The following EEFSEC variants were observed in gnomAD, a reference collection of about 807,000 sequenced individuals.
EEFSEC encodes selenocysteine-specific elongation factor.
A neutral mutation model predicts 42.1 loss-of-function variants in EEFSEC; 43 were observed. The observed-to-expected ratio is 1.02, with a 90% confidence interval of 0.80 to 1.32. EEFSEC has a LOEUF of 1.32. Ranked by LOEUF, EEFSEC falls within the 40% of genes most tolerant of loss-of-function variation. EEFSEC has a pLI of 0.00. For missense variants in EEFSEC, 745 were observed against 803.6 expected (o/e 0.93, Z 0.88); for synonymous variants, 354 against 339.1 (o/e 1.04, Z -0.48).
chr3:128,191,635 C>T (rs1487872080), intron 1 of EEFSEC, among the ~76,000 whole-genome samples: 4 of 152,182 alleles, frequency 2.6e-5, no homozygotes, highest in Admixed American at 6.5e-5. Flanking sequence ...TCCCTACTCC[C>T]AGCCCCTGGC....
At chr3:128,221,406 A>G (rs1178672387) in intron 1 of EEFSEC, among the ~76,000 whole-genome samples, 2 of 152,244 alleles carry the variant, frequency 1.3e-5, no homozygotes, top group Non-Finnish European at 2.9e-5. Flanking sequence ...TAACTGGTGG[A>G]GATTAAATTG....
intron 1 of EEFSEC, among the ~76,000 whole-genome samples, chr3:128,203,276 GCT>G (rs2065660864): frequency 6.6e-6 from 1 of 152,188 alleles, no homozygotes; most frequent in South Asian, 2.1e-4. Context: ...ATTTAGTGAT[GCT>G]TATATCATGG....
At chr3:128,251,924 C>A (rs2066191079) in intron 2 of EEFSEC, among the ~76,000 whole-genome samples, 1 of 152,234 alleles carries the variant, frequency 6.6e-6, no homozygotes, top group Admixed American at 6.5e-5. Flanking sequence ...CCACAATCTT[C>A]TCAATGCATC....
At chr3:128,275,701 A>G (rs1384758082) in intron 4 of EEFSEC, among the ~76,000 whole-genome samples, 1 of 152,264 alleles carries the variant, frequency 6.6e-6, no homozygotes, top group Non-Finnish European at 1.5e-5. Flanking sequence ...GGCTTTGCCC[A>G]GGCATTCTGA....
chr3:128,200,152 A>C (rs893924831), intron 1 of EEFSEC, among the ~76,000 whole-genome samples: 4 of 152,236 alleles, frequency 2.6e-5, no homozygotes, highest in Non-Finnish European at 5.9e-5. Context: ...ACCTGGGCTT[A>C]TAAACTTGAA....
intron 3 of EEFSEC, among the ~76,000 whole-genome samples, chr3:128,262,632 G>A (rs924805690): frequency 2.6e-5 from 4 of 152,214 alleles, no homozygotes; most frequent in African/African-American, 2.4e-5. Context: ...CTGGGGGCCA[G>A]TGAGGCAGGG....
At chr3:128,371,684 G>T (rs1342205474) in intron 6 of EEFSEC, among the ~76,000 whole-genome samples, 1 of 152,192 alleles carries the variant, frequency 6.6e-6, no homozygotes, top group Admixed American at 6.5e-5. Flanking sequence ...ACCTGTTGGG[G>T]TGCAGAATGA....
intron 6 of EEFSEC, among the ~76,000 whole-genome samples, chr3:128,403,171 G>C (rs1486393779): frequency 6.6e-6 from 1 of 152,202 alleles, no homozygotes; most frequent in East Asian, 1.9e-4. Flanking sequence ...GTCCACAGGC[G>C]GAGGGATTGG....
chr3:128,271,785 C>T (rs1481442396), intron 4 of EEFSEC, among the ~76,000 whole-genome samples: 1 of 152,166 alleles, frequency 6.6e-6, no homozygotes, highest in Non-Finnish European at 1.5e-5. Flanking sequence ...CCCAGGTCTT[C>T]TTCTTGAGTC....
chr3:128,320,949 G>A (rs2067001491), intron 4 of EEFSEC, among the ~76,000 whole-genome samples: 1 of 152,206 alleles, frequency 6.6e-6, no homozygotes, highest in Non-Finnish European at 1.5e-5. Context: ...GGACATAACG[G>A]GACCTACCTC....
intron 1 of EEFSEC, among the ~76,000 whole-genome samples, chr3:128,166,257 C>T (rs1307109127): frequency 6.6e-6 from 1 of 152,066 alleles, no homozygotes; most frequent in Non-Finnish European, 1.5e-5. Flanking sequence ...CTGACAGACA[C>T]TTTGGCTGGA....
intron 5 of EEFSEC, among the ~76,000 whole-genome samples, chr3:128,344,427 A>G (rs888712415): frequency 8.5e-5 from 13 of 152,242 alleles, no homozygotes; most frequent in African/African-American, 3.1e-4. Context: ...AATTTCAAAC[A>G]AGACAATAAT....
intron 1 of EEFSEC, among the ~76,000 whole-genome samples, chr3:128,176,777 G>T (rs1002067803): frequency 1.1e-4 from 17 of 152,006 alleles, no homozygotes; most frequent in African/African-American, 4.1e-4. Flanking sequence ...TTCCTTGTTT[G>T]CAAGATCAGA....
intron 6 of EEFSEC, among the ~76,000 whole-genome samples, chr3:128,371,240 A>T (rs114976005): frequency 0.018 from 2,796 of 152,016 alleles, 91 homozygotes; most frequent in African/African-American, 0.062. Context: ...CCTTGGATGG[A>T]TGGGGAGGAG....
rs113866888 is a variant in EEFSEC, at chr3:128,317,852, C to T, written c.787-23381C>T. ...ACAGGCCTGGCACAGATGTCCCCTC[C>T]TCTCTGAGGTTTCCTCCCAGTTCCC... On this transcript the variant is annotated intron_variant, in intron 4 of 6. Transcript: ENST00000254730. The surrounding 1 kb of genome is among the most constrained non-coding windows in gnomAD (Gnocchi z 4.1). Among the ~76,000 whole-genome samples the T allele has an allele frequency of 2.0e-4, 31 of 152,382 alleles. No individual in the cohort carries two copies. The highest frequency in any genetic ancestry group is 6.5e-4 in the African/African-American group (27 of 41,594).
chr3:128,271,160 C>A (rs1385640245), intron 4 of EEFSEC, among the ~76,000 whole-genome samples: 2 of 152,168 alleles, frequency 1.3e-5, no homozygotes, highest in Non-Finnish European at 2.9e-5. Context: ...TGGGCAGCCC[C>A]CCACTTCCTG....
chr3:128,264,933 C>CGGGGCCAGGCAG, intron 4 of EEFSEC, 152 bp downstream of exon 4: 1 of 866,440 alleles, frequency 1.2e-6, no homozygotes, highest in Non-Finnish European at 1.7e-6. Flanking sequence ...GGCTGCCTGG[C>CGGGGCCAGGCAG]CCCGCCCGGC....
intron 4 of EEFSEC, among the ~76,000 whole-genome samples, chr3:128,335,134 C>A (rs1231319608): frequency 6.6e-6 from 1 of 152,260 alleles, no homozygotes; most frequent in Non-Finnish European, 1.5e-5. Context: ...CTTTCAGTTA[C>A]TCTTCCCACT....
chr3:128,179,134 C>T (rs575389822), intron 1 of EEFSEC, among the ~76,000 whole-genome samples: 3 of 152,244 alleles, frequency 2.0e-5, no homozygotes, highest in African/African-American at 7.2e-5. Flanking sequence ...GCCGTTGATA[C>T]TCTTTTAAAT....
Sources: gnomAD v4.1 joint callset for allele counts (sites outside exome capture counted in the v4.1 genomes callset) on GRCh38, gnomAD v4.1.1 for gene constraint, Gnocchi (gnomAD v3.1) non-coding constraint, MANE v1.5 for transcripts, NCBI Gene and HGNC (gene_info 2026-07-23, HGNC 2026-07-21) for gene names.